The following TP53INP1 variants were observed in gnomAD, a reference collection of about 807,000 sequenced individuals.
TP53INP1 encodes the protein tumor protein p53-inducible nuclear protein 1.
Under a neutral mutation model 21.0 loss-of-function variants are expected in TP53INP1, and 12 were observed. The ratio of observed to expected loss-of-function variants is 0.57; its 90% CI spans 0.37 to 0.93. The LOEUF is 0.93. TP53INP1 is among the 40% of genes least tolerant of loss of function. TP53INP1 has a pLI of 0.01. For missense variants in TP53INP1, 274 were observed against 294.7 expected, an observed-to-expected ratio of 0.93 and a Z score of 0.51; for synonymous variants, 91 against 94.8, an observed-to-expected ratio of 0.96 and a Z score of 0.23.
In TP53INP1 at chr8:94,928,811, A is replaced by G. The variant is rs1277218009; in HGVS notation, c.*1668T>C. 1 of 152,350 alleles carries G rather than the reference A, an allele frequency of 6.6e-6. No homozygotes were observed. The highest frequency in any genetic ancestry group is 2.4e-5 in the African/African-American group (1 of 41,462). The allele number at this position is 152,350 out of a possible 1,614,324, so 9.4% of individuals were successfully genotyped here. A position where few individuals can be genotyped will look rare whatever the true frequency, so the allele number is the denominator to read the frequency against. On this transcript the variant is annotated 3_prime_UTR_variant, in exon 4 of 4. Coordinates refer to ENST00000342697, the MANE Select transcript of TP53INP1 (RefSeq NM_033285.4). ...CCCTGCATCAAGCCACTACAGGGTT[A>G]TTGAAAAATATAATACTTCACTTAA...
At chr8:94,939,115 G>A (rs1470716424) in intron 3 of TP53INP1, among the ~76,000 whole-genome samples, 2 of 152,182 alleles carry the variant, frequency 1.3e-5, no homozygotes, top group Admixed American at 6.5e-5. Flanking sequence ...GAGTATTGCA[G>A]GAAGAAACTG....
At chr8:94,943,737 T>C (rs1196226804) in intron 1 of TP53INP1, among the ~76,000 whole-genome samples, 3 of 152,220 alleles carry the variant, frequency 2.0e-5, no homozygotes, top group African/African-American at 7.2e-5. Flanking sequence ...GTTAAACATT[T>C]CAAATAAATA....
chr8:94,940,328 A>G, intron 2 of TP53INP1, 108 bp from the exon 3 acceptor site: 4 of 1,319,254 alleles, frequency 3.0e-6, no homozygotes, highest in Non-Finnish European at 4.1e-6. Context: ...AATTCACAGC[A>G]CAGAAAAAGA....
intron 3 of TP53INP1, among the ~76,000 whole-genome samples, chr8:94,935,122 G>C (rs199564749): frequency 2.1e-4 from 24 of 114,966 alleles, no homozygotes; most frequent in African/African-American, 7.3e-4. Flanking sequence ...TACATAGGTA[G>C]ATAGATATAG....
Position 94,928,049 on chromosome 8 carries a change from T to G in TP53INP1, c.*2430A>C, listed in dbSNP as rs1285204865. 6.6e-6 allele frequency: 1 copy of G among 152,272 alleles called. No individual in the cohort carries two copies. Among genetic ancestry groups the G allele is most frequent in the African/African-American group, 2.4e-5 (1 of 41,430 alleles). The allele number at this position is 152,272 out of a possible 1,614,324, so 9.4% of individuals were successfully genotyped here. On this transcript the variant is annotated 3_prime_UTR_variant, in exon 4 of 4. Coordinates refer to ENST00000342697, the MANE Select transcript of TP53INP1 (RefSeq NM_033285.4). ...ACATCTAATAACCAAGAGTTTCAACTGAATTATATAACCATTTTCTTCAAT... is the reference window on the plus strand; with the variant it reads ...ACATCTAATAACCAAGAGTTTCAACGGAATTATATAACCATTTTCTTCAAT...
At position 94,940,833 on chromosome 8, in the gene TP53INP1, TG is replaced by T; in HGVS notation, c.108del (p.Phe36LeufsTer2). ...CAAGTAACCAAGTGTACCTTACCTA[TG>T]AAGTCAACAAGAATCCATTCATCAT... ...KEDDEWILVD[F>X]IDTCTGFSAE... is the part of the protein sequence containing the mutation. On this transcript the variant is annotated frameshift_variant, in exon 2 of 4. Transcript: ENST00000342697. LOFTEE classifies it high-confidence loss of function. 1.2e-6 allele frequency: 2 copies of T among 1,610,760 alleles called. No individual in the cohort carries two copies. Among genetic ancestry groups the T allele is most frequent in the South Asian group, 2.2e-5 (2 of 90,790 alleles).
chr8:94,945,031 A>C (rs1821869595), intron 1 of TP53INP1, among the ~76,000 whole-genome samples: 1 of 152,206 alleles, frequency 6.6e-6, no homozygotes, highest in Admixed American at 6.5e-5. Context: ...GTGCACATGA[A>C]CACTTGAAAT....
Position 94,939,907 on chromosome 8 carries a change from A to T in TP53INP1, c.426T>A (p.Ser142Arg), listed in dbSNP as rs1821354861. 1.9e-6 allele frequency: 3 copies of T among 1,614,008 alleles called. No homozygotes were observed. The African/African-American group carries it at 4.0e-5, about 22-fold the overall frequency. The change falls in exon 3 of 4, where the codon AGT becomes AGA. Residue 142 changes from serine (S) to arginine (R), a missense_variant. Physicochemically the swap from Ser to Arg is moderately radical, Grantham distance 110. Coordinates refer to ENST00000342697, the MANE Select transcript of TP53INP1 (RefSeq NM_033285.4). ...YAVHNSCPGL[S>R]EATRGTDELH... ...ATTCATCAGTCCCACGGGTGGCCTC[A>T]CTGAGACCAGGGCAGGAGTTATGCA...
chr8:94,930,692 A>G lies in TP53INP1; in HGVS notation c.510T>C (p.His170=). 6.2e-7 allele frequency: 1 copy of G among 1,614,270 alleles called. No individual in the cohort carries two copies. Among genetic ancestry groups the G allele is most frequent in the African/African-American group, 1.3e-5 (1 of 75,074 alleles). Residue 170 remains histidine (H), a synonymous_variant, in exon 4 of 4, where the codon CAT becomes CAC. Coordinates refer to ENST00000342697, the MANE Select transcript of TP53INP1 (RefSeq NM_033285.4). The part of the protein sequence containing the change: ...EAQNEMGQHI[H]CYVAALAAHT... ...GAGCAGCAAGAGCTGCAACATAACA[A>G]TGAATATGCTGCCCCATTTCATTTT...
intron 3 of TP53INP1, among the ~76,000 whole-genome samples, chr8:94,936,928 A>G (rs1821036099): frequency 6.6e-6 from 1 of 152,204 alleles, no homozygotes; most frequent in African/African-American, 2.4e-5. Flanking sequence ...CAAAAGAGAC[A>G]GACTACTGAT....
intron 2 of TP53INP1, 62 bp from the exon 3 acceptor site, chr8:94,940,282 T>C: frequency 1.3e-6 from 2 of 1,520,928 alleles, no homozygotes; most frequent in Non-Finnish European, 1.8e-6. Flanking sequence ...GGAGGATGAT[T>C]ATCACATTGG....
intron 1 of TP53INP1, among the ~76,000 whole-genome samples, chr8:94,945,256 T>C (rs1176260813): frequency 1.3e-5 from 2 of 152,214 alleles, no homozygotes; most frequent in Non-Finnish European, 2.9e-5. Flanking sequence ...TGTATCTGAA[T>C]TGAGATGTGC....
chr8:94,939,382 A>T (rs555737324), intron 3 of TP53INP1, among the ~76,000 whole-genome samples: 17 of 152,200 alleles, frequency 1.1e-4, no homozygotes, highest in East Asian at 5.8e-4. Flanking sequence ...TAACTTTCTT[A>T]AAAAAATCTA....
At chr8:94,932,240 T>C (rs1231148048) in intron 3 of TP53INP1, 2 of 885,746 alleles carry the variant, frequency 2.3e-6, no homozygotes, top group East Asian at 5.3e-5. Context: ...GTACATGTGC[T>C]TAAGATAACA....
intron 1 of TP53INP1, among the ~76,000 whole-genome samples, chr8:94,947,338 C>G (rs1431170362): frequency 6.7e-6 from 1 of 150,090 alleles, no homozygotes; most frequent in Non-Finnish European, 1.5e-5. Context: ...AATCTGTGTA[C>G]AGTTGTGGCT....
chr8:94,933,316 A>G (rs1820611632), intron 3 of TP53INP1, among the ~76,000 whole-genome samples: 1 of 152,212 alleles, frequency 6.6e-6, no homozygotes, highest in Non-Finnish European at 1.5e-5. Flanking sequence ...ATGAATGCAA[A>G]AACAAACAAG....
In TP53INP1 at chr8:94,927,635, A is replaced by G. The variant is rs1820010750; in HGVS notation, c.*2844T>C. 6.6e-6 allele frequency: 1 copy of G among 152,218 alleles called. No homozygotes were observed. Among genetic ancestry groups the G allele is most frequent in the Non-Finnish European group, 1.5e-5 (1 of 68,022 alleles). The allele number at this position is 152,218 out of a possible 1,614,324, so 9.4% of individuals were successfully genotyped here. On this transcript the variant is annotated 3_prime_UTR_variant, in exon 4 of 4. Transcript: ENST00000342697. ...ATGGCTAATTTTCACCTTACAGTGC[A>G]GTACACAATTAGTTGAGAAAAAAAA...
intron 3 of TP53INP1, among the ~76,000 whole-genome samples, chr8:94,937,547 GGGA>G (rs1821107997): frequency 6.6e-6 from 1 of 152,122 alleles, no homozygotes; most frequent in East Asian, 1.9e-4. Context: ...AGAAGGGATG[GGGA>G]GGAGGATGCT....
At chr8:94,948,677 C>A (rs574141454) in intron 1 of TP53INP1, among the ~76,000 whole-genome samples, 3 of 152,262 alleles carry the variant, frequency 2.0e-5, no homozygotes, top group African/African-American at 7.2e-5. Flanking sequence ...TTCGGAGATG[C>A]GTCCCGGGGG....
Sources: allele counts gnomAD v4.1 joint callset (sites outside exome capture counted in the v4.1 genomes callset), GRCh38; gene constraint gnomAD v4.1.1; transcripts MANE v1.5; gene names NCBI Gene and HGNC (gene_info 2026-07-23, HGNC 2026-07-21).